MSI2: variants seen among roughly 807,000 people sequenced by gnomAD.
MSI2 encodes musashi RNA binding protein 2.
A neutral mutation model predicts 45.6 loss-of-function variants in MSI2; 17 were observed. The ratio of observed to expected loss-of-function variants is 0.37; its 90% CI spans 0.26 to 0.56. MSI2 has a LOEUF of 0.56. Among genes scored for constraint, MSI2 ranks in the 20% least tolerant of loss-of-function variants. MSI2 has a pLI of 0.77. For synonymous variants in MSI2, 156 were observed against 158.2 expected (o/e 0.99, Z 0.11); for missense variants, 293 against 444.2 (o/e 0.66, Z 3.06).
At chr17:57,308,783 C>T (rs554867317) in intron 5 of MSI2, among the ~76,000 whole-genome samples, 20 of 152,268 alleles carry the variant, frequency 1.3e-4, no homozygotes, top group African/African-American at 4.8e-4. Flanking sequence ...GAAGGTACAA[C>T]CCCCCTCATT....
At chr17:57,692,828 CCT>C in the MSI2 span, among the ~76,000 whole-genome samples, 3 of 150,008 alleles carry the variant, frequency 2.0e-5, no homozygotes, top group African/African-American at 4.9e-5. Context: ...CTTAATTTTA[CCT>C]CTCTCTCTCT....
At chr17:57,326,107 G>C (rs1266858958) in intron 5 of MSI2, among the ~76,000 whole-genome samples, 2 of 152,106 alleles carry the variant, frequency 1.3e-5, no homozygotes, top group Non-Finnish European at 2.9e-5. Flanking sequence ...GTTGTTTGCT[G>C]CTGCTGCTTT....
rs377451767 is a variant in MSI2 at position 57,318,478 on chromosome 17, C to T, written c.312+56286C>T. On this transcript the variant is annotated intron_variant, in intron 5 of 13. Coordinates refer to ENST00000284073, the MANE Select transcript of MSI2 (RefSeq NM_138962.4). ...GGAGTGCTCCAGTTTTCATTTTCTT[C>T]GCCTGTTTAGAGAGTGTGGCCACCA... Among the ~76,000 whole-genome samples, 22 of 152,196 alleles carry T rather than the reference C, an allele frequency of 1.4e-4. No individual in the cohort carries two copies. The South Asian group carries it at 3.5e-3, about 24-fold the overall frequency.
At chr17:57,294,017 C>T (rs965175781) in intron 5 of MSI2, among the ~76,000 whole-genome samples, 2 of 151,900 alleles carry the variant, frequency 1.3e-5, no homozygotes, top group East Asian at 1.9e-4. Context: ...AAAAGTTCCT[C>T]TGTCACCTTG....
chr17:57,603,874 G>A (rs1906205924), intron 8 of MSI2, among the ~76,000 whole-genome samples: 1 of 152,268 alleles, frequency 6.6e-6, no homozygotes, highest in African/African-American at 2.4e-5. Context: ...GGGGTCCAAT[G>A]AAAGGCATTT....
chr17:57,603,994 T>C (rs1214605486), intron 8 of MSI2, among the ~76,000 whole-genome samples: 2 of 152,242 alleles, frequency 1.3e-5, no homozygotes, highest in African/African-American at 4.8e-5. Context: ...CTGTGGAAAG[T>C]ATCAGTGCCT....
chr17:57,524,384 T>C (rs527866933), intron 6 of MSI2, among the ~76,000 whole-genome samples: 2 of 152,326 alleles, frequency 1.3e-5, no homozygotes, highest in East Asian at 3.9e-4. Context: ...CCTGTGTGAG[T>C]TGTCTTTTAT....
chr17:57,458,162 G>A (rs920785113), intron 6 of MSI2, among the ~76,000 whole-genome samples: 5 of 147,872 alleles, frequency 3.4e-5, no homozygotes, highest in East Asian at 2.0e-4. Flanking sequence ...GTGCAGTGGC[G>A]CGATCTTGGC....
At chr17:57,330,231 G>A (rs1403006139) in intron 5 of MSI2, among the ~76,000 whole-genome samples, 2 of 151,572 alleles carry the variant, frequency 1.3e-5, no homozygotes, top group African/African-American at 4.8e-5. Context: ...TGTCTCTCTT[G>A]ATTGTCCTTC....
Position 57,529,627 on chromosome 17 carries a change from ACTTT to A in MSI2, c.406-45_406-42del. Reference sequence around the variant, plus strand: ...CCGACATGCATATAATGTTTTGTGTACTTTCTTAAAATTCCTAAGGCAGCCTGTA... The same window carrying A: ...CCGACATGCATATAATGTTTTGTGTACTTAAAATTCCTAAGGCAGCCTGTA... On this transcript the variant is annotated intron_variant, in intron 6 of 13. Transcript: ENST00000284073. This position sits in a 1 kb window ranked among gnomAD's most constrained non-coding sequence, Gnocchi z 5.3. The A allele has an allele frequency of 6.4e-7, 1 of 1,564,948 alleles. No individual in the cohort carries two copies. Among genetic ancestry groups the A allele is most frequent in the Non-Finnish European group, 8.8e-7 (1 of 1,137,400 alleles).
chr17:57,671,451 C>T (rs1912765885), intron 11 of MSI2: 1 of 152,190 alleles, frequency 6.6e-6, no homozygotes, highest in Admixed American at 6.5e-5. Flanking sequence ...CCAAGCTGAT[C>T]CTGGTATATG....
chr17:57,652,255 C>A lies in MSI2; in HGVS notation c.790+94C>A. ...GTCGGATCTGTGTGGCTGCATCTGT[C>A]CAACACCACTCTCACCACAGCCCCG... On this transcript the variant is annotated intron_variant, in intron 11 of 13. Coordinates refer to ENST00000284073, the MANE Select transcript of MSI2 (RefSeq NM_138962.4). The surrounding 1 kb of genome is among the most constrained non-coding windows in gnomAD (Gnocchi z 4.1). 1 of 1,263,764 alleles carries A rather than the reference C, an allele frequency of 7.9e-7. No individual in the cohort carries two copies. Among genetic ancestry groups the A allele is most frequent in the Non-Finnish European group, 1.1e-6 (1 of 873,170 alleles). 78.3% of individuals were successfully genotyped at this position (1,263,764 alleles called of 1,614,324 possible).
intron 6 of MSI2, among the ~76,000 whole-genome samples, chr17:57,411,793 G>A (rs1304446336): frequency 3.3e-5 from 5 of 152,058 alleles, no homozygotes; most frequent in African/African-American, 1.2e-4. Context: ...TGGATCATGA[G>A]GTTAGGAGTT....
chr17:57,460,361 G>GA (rs2085202594), intron 6 of MSI2, among the ~76,000 whole-genome samples: 1 of 149,276 alleles, frequency 6.7e-6, no homozygotes, highest in South Asian at 2.1e-4. Context: ...GAGGGAAAGA[G>GA]AAAAAGGAAA....
chr17:57,586,192 T>C (rs773409933), intron 7 of MSI2, among the ~76,000 whole-genome samples: 5 of 152,180 alleles, frequency 3.3e-5, no homozygotes, highest in Non-Finnish European at 7.4e-5. Context: ...GAGGCTGGGG[T>C]TGTCTGGCCT....
In MSI2 at chr17:57,493,379, T is replaced by A. The variant is rs554405790; in HGVS notation, c.406-36297T>A. Among the ~76,000 whole-genome samples, 4 of 152,218 alleles carry A rather than the reference T, an allele frequency of 2.6e-5. No homozygotes were observed. The South Asian group carries it at 8.3e-4, about 32-fold the overall frequency. On this transcript the variant is annotated intron_variant, in intron 6 of 13. Coordinates refer to ENST00000284073, the MANE Select transcript of MSI2 (RefSeq NM_138962.4). ...CTTCAGCAAAAGAGGAAGCGATGAA[T>A]GAAATTGCTGTCCTCACTTGCCACC...
At chr17:57,625,051 G>C (rs531537078) in intron 9 of MSI2, among the ~76,000 whole-genome samples, 27 of 152,306 alleles carry the variant, frequency 1.8e-4, no homozygotes, top group African/African-American at 6.5e-4. Flanking sequence ...CGTGTTGGAA[G>C]GGGTGAGGGT....
intron 5 of MSI2, among the ~76,000 whole-genome samples, chr17:57,340,892 C>T (rs1311184916): frequency 6.6e-6 from 1 of 152,178 alleles, no homozygotes; most frequent in African/African-American, 2.4e-5. Context: ...CTTGGCTGCT[C>T]CTCCTTGGCT....
intron 7 of MSI2, among the ~76,000 whole-genome samples, chr17:57,542,922 A>G (rs1054595825): frequency 3.3e-5 from 5 of 152,102 alleles, no homozygotes; most frequent in African/African-American, 1.2e-4. Flanking sequence ...TCAGTTCTTA[A>G]TGATTGCTAT....
Sources: allele counts gnomAD v4.1 joint callset (sites outside exome capture counted in the v4.1 genomes callset), GRCh38; gene constraint gnomAD v4.1.1; non-coding constraint Gnocchi (gnomAD v3.1); transcripts MANE v1.5; gene names NCBI Gene and HGNC (gene_info 2026-07-23, HGNC 2026-07-21).